The following KIDINS220 variants were observed in gnomAD, a reference collection of about 807,000 sequenced individuals.
KIDINS220 encodes kinase D interacting substrate 220.
Under a neutral mutation model 157.6 loss-of-function variants are expected in KIDINS220, and 63 were observed. The observed-to-expected ratio is 0.40, with a 90% CI of 0.33 to 0.49. The LOEUF (loss-of-function observed/expected upper bound fraction) is 0.49, where lower values mean the gene tolerates loss of function less well. KIDINS220 is among the 20% of genes least tolerant of loss of function. KIDINS220 has a pLI of 0.66. For synonymous variants in KIDINS220, 732 were observed against 783.6 expected, an observed-to-expected ratio of 0.93 and a Z score of 1.10; for missense variants, 1,772 against 2,171.2, an observed-to-expected ratio of 0.82 and a Z score of 3.65.
In KIDINS220 at chr2:8,785,894, G is replaced by A. The variant is rs1281389623; in HGVS notation, c.2076C>T (p.Val692=). ...CCACTACAGATGCGATTGATATGAG[G>A]ACAGCATTTACAGTCAGATGCTTTG... is the stretch of plus-strand genomic sequence containing the variant. The part of the protein sequence containing the change: ...VDPKHLTVNA[V]LISIASVVGL... The change falls in exon 17 of 30, where the codon GTC becomes GTT. Residue 692 remains valine, a synonymous_variant. Coordinates refer to ENST00000256707, the MANE Select transcript of KIDINS220 (RefSeq NM_020738.4). The A allele has an allele frequency of 6.2e-7, 1 of 1,614,114 alleles. No individual in the cohort carries two copies.
At chr2:8,804,039 G>GCCAT (rs1284679550) in intron 7 of KIDINS220, among the ~76,000 whole-genome samples, 1 of 152,164 alleles carries the variant, frequency 6.6e-6, no homozygotes, top group East Asian at 1.9e-4. Flanking sequence ...AAATTCTTGA[G>GCCAT]CCATCAATCA....
chr2:8,753,401 G>C lies in KIDINS220; in HGVS notation c.3012-1757C>G, dbSNP rs547052483. On this transcript the variant is annotated intron_variant, in intron 22 of 29. Transcript: ENST00000256707. ...CTGTGAAGTTAGGAATGTGAGGCAGGAGGGAGACAAGGGAGGGTATCAAAG... is the reference window on the plus strand; with the variant it reads ...CTGTGAAGTTAGGAATGTGAGGCAGCAGGGAGACAAGGGAGGGTATCAAAG... 3.3e-5 allele frequency among the ~76,000 whole-genome samples: 5 copies of C among 152,336 alleles called. No homozygotes were observed. The East Asian group carries it at 9.6e-4, about 29-fold the overall frequency.
downstream of KIDINS220, among the ~76,000 whole-genome samples, chr2:8,726,585 C>T (rs531619471): frequency 5.1e-4 from 78 of 152,288 alleles, 2 homozygotes; most frequent in South Asian, 0.016. Flanking sequence ...CGCTGTTGGA[C>T]GATTTTGTCG....
chr2:8,744,371 AAAAAAAAAAAAAAAAAAATATATATATAT>A (rs1666073468), intron 26 of KIDINS220, among the ~76,000 whole-genome samples: 2 of 1,572 alleles, frequency 1.3e-3, no homozygotes, highest in African/African-American at 3.7e-3. Context: ...GGCAAAAAAA[AAAAAAAAAAAAAAAAAAATATATATATAT>A]AATATATATA....
At chr2:8,753,196 T>C (rs765976695) in intron 22 of KIDINS220, among the ~76,000 whole-genome samples, 1 of 151,964 alleles carries the variant, frequency 6.6e-6, no homozygotes, top group African/African-American at 2.4e-5. Context: ...TAAATAGTGG[T>C]ATATCCACAC....
At chr2:8,734,601 T>C in intron 28 of KIDINS220, 54 bp downstream of exon 28, 1 of 1,222,932 alleles carries the variant, frequency 8.2e-7, no homozygotes, top group East Asian at 2.4e-5. Flanking sequence ...TAAATAATTT[T>C]GAATGTTATC....
chr2:8,740,345 A>G (rs1665455709), intron 26 of KIDINS220, among the ~76,000 whole-genome samples: 1 of 152,172 alleles, frequency 6.6e-6, no homozygotes, highest in African/African-American at 2.4e-5. Flanking sequence ...AGGAGCACAC[A>G]TGCATGCACA....
intron 26 of KIDINS220, among the ~76,000 whole-genome samples, chr2:8,743,958 A>AT (rs1665986451): frequency 6.6e-6 from 1 of 151,626 alleles, no homozygotes; most frequent in Non-Finnish European, 1.5e-5. Flanking sequence ...AAGATTTGGC[A>AT]TATATTTTTT....
chr2:8,737,407 C>A (rs1665035365), intron 26 of KIDINS220: 1 of 158,726 alleles, frequency 6.3e-6, no homozygotes, highest in Non-Finnish European at 1.4e-5. Context: ...AAAAAATAAA[C>A]CTACAAAATA....
intron 1 of KIDINS220, among the ~76,000 whole-genome samples, chr2:8,835,087 G>A (rs1006819485): frequency 6.6e-6 from 1 of 152,176 alleles, no homozygotes; most frequent in African/African-American, 2.4e-5. Context: ...AGCCTGAAGT[G>A]ATCCTCCTGC....
At chr2:8,822,688 T>C (rs1678169887) in intron 2 of KIDINS220, among the ~76,000 whole-genome samples, 1 of 152,158 alleles carries the variant, frequency 6.6e-6, no homozygotes, top group Non-Finnish European at 1.5e-5. Flanking sequence ...TTGTTTAAAG[T>C]CTCAGTTCAT....
In KIDINS220 at chr2:8,731,445, A is replaced by G; in HGVS notation, c.4591T>C (p.Ser1531Pro). The change falls in exon 30 of 30, where the codon TCA (serine) becomes CCA (proline). Residue 1531 changes from serine (S) to proline (P), a missense_variant. Ser to Pro is a moderately conservative substitution (Grantham distance 74, BLOSUM62 -1). This residue lies in a region of KIDINS220 where 793 missense variants were observed against 885.5 expected (regional missense o/e 0.90). Transcript: ENST00000256707. This position sits in a 1 kb window ranked among gnomAD's most constrained non-coding sequence, Gnocchi z 5.2. ...TCTTTGAGCAGTGGAGTGTTATCTG[A>G]TTCTTCTGTGCCAGATTCATCCTCG... The part of the protein sequence containing the change: ...SDEDESGTEE[S>P]DNTPLLKDDK... 1.9e-6 allele frequency: 3 copies of G among 1,613,996 alleles called. No homozygotes were observed. The South Asian group carries it at 3.3e-5, about 18-fold the overall frequency.
chr2:8,785,827 G>C lies in KIDINS220; in HGVS notation c.2143C>G (p.Leu715Val). The change falls in exon 17 of 30, where the codon CTG becomes GTG. Residue 715 changes from leucine (L) to valine (V), a missense_variant. Physicochemically the swap from Leu to Val is conservative, Grantham distance 32. Coordinates refer to ENST00000256707, the MANE Select transcript of KIDINS220 (RefSeq NM_020738.4). ...VLNCRTWWQV[L>V]DSLLNSQRKR... ...CTTTGGGAATTCAGGAGCGAGTCCA[G>C]CACTTGCCACCATGTACGACAGTTC... 1 of 1,614,128 alleles carries C rather than the reference G, an allele frequency of 6.2e-7. No homozygotes were observed. The highest frequency in any genetic ancestry group is 2.2e-5 in the East Asian group (1 of 44,892).
At chr2:8,772,644 G>T (rs1217813178) in intron 21 of KIDINS220, among the ~76,000 whole-genome samples, 1 of 152,042 alleles carries the variant, frequency 6.6e-6, no homozygotes, top group African/African-American at 2.4e-5. Context: ...CAACGAATAT[G>T]TCTAAGATAA....
intron 21 of KIDINS220, among the ~76,000 whole-genome samples, 194 bp from the exon 22 acceptor site, chr2:8,771,026 C>T (rs1010698796): frequency 2.3e-4 from 35 of 152,224 alleles, no homozygotes; most frequent in African/African-American, 8.2e-4. Flanking sequence ...AGGGCTTAAA[C>T]ACAATTTTAA....
At chr2:8,826,325 C>T (rs1337174338) in intron 2 of KIDINS220, among the ~76,000 whole-genome samples, 1 of 152,106 alleles carries the variant, frequency 6.6e-6, no homozygotes, top group African/African-American at 2.4e-5. Context: ...GAAAGTATTT[C>T]AGGCAGGGCG....
At chr2:8,806,660 A>C (rs1675498259) in intron 6 of KIDINS220, among the ~76,000 whole-genome samples, 1 of 152,180 alleles carries the variant, frequency 6.6e-6, no homozygotes, top group Non-Finnish European at 1.5e-5. Flanking sequence ...GGCTCACTGC[A>C]ATCTCTGCCT....
intron 26 of KIDINS220, among the ~76,000 whole-genome samples, chr2:8,738,571 C>T (rs1665206063): frequency 6.6e-6 from 1 of 152,168 alleles, no homozygotes; most frequent in Non-Finnish European, 1.5e-5. Flanking sequence ...AGTTTTCTAG[C>T]AATATACAGT....
At chr2:8,815,846 C>T (rs1159188232) in intron 4 of KIDINS220, among the ~76,000 whole-genome samples, 1 of 152,178 alleles carries the variant, frequency 6.6e-6, no homozygotes, top group East Asian at 1.9e-4. Context: ...TAGAAGTCCT[C>T]ACAGGAAGAG....
Sources: allele counts gnomAD v4.1 joint callset (sites outside exome capture counted in the v4.1 genomes callset), GRCh38; gene constraint gnomAD v4.1.1; regional missense constraint gnomAD v4.1.1; non-coding constraint Gnocchi (gnomAD v3.1); transcripts MANE v1.5; gene names NCBI Gene and HGNC (gene_info 2026-07-23, HGNC 2026-07-21).